Variants in CCSER1 observed in about 807,000 individuals in gnomAD.
The protein encoded by CCSER1 is coiled-coil serine rich protein 1, also known as serine-rich coiled-coil domain-containing protein 1.
In CCSER1, 41 loss-of-function variants were observed where a neutral mutation model predicts 82.0. The observed-to-expected ratio is 0.50, with a 90% CI of 0.39 to 0.65. The LOEUF is 0.65. CCSER1 is among the 30% of genes least tolerant of loss of function. CCSER1 has a pLI of 0.00. For synonymous variants in CCSER1, 414 were observed against 383.9 expected (o/e 1.08, Z -0.92); for missense variants, 1,119 against 1,064.2 (o/e 1.05, Z -0.72).
At chr4:90,837,920 C>T (rs1398390140) in intron 8 of CCSER1, among the ~76,000 whole-genome samples, 5 of 151,818 alleles carry the variant, frequency 3.3e-5, no homozygotes, top group African/African-American at 1.2e-4. Context: ...AGGATAAATC[C>T]CAGTAATGAT....
chr4:91,207,625 T>A (rs1317147065), intron 10 of CCSER1, among the ~76,000 whole-genome samples: 1 of 151,944 alleles, frequency 6.6e-6, no homozygotes, highest in Non-Finnish European at 1.5e-5. Flanking sequence ...TTATCCAGTC[T>A]ACTAATGATG....
intron 6 of CCSER1, among the ~76,000 whole-genome samples, chr4:90,701,118 T>C (rs895512790): frequency 1.3e-5 from 2 of 152,212 alleles, no homozygotes; most frequent in South Asian, 2.1e-4. Context: ...TGGTTTTAGG[T>C]TTAACATTGA....
chr4:91,283,670 C>A lies in CCSER1; in HGVS notation c.2217+197676C>A, dbSNP rs556369034. 2.0e-5 allele frequency among the ~76,000 whole-genome samples: 3 copies of A among 152,104 alleles called. No homozygotes were observed. In the South Asian group the frequency reaches 6.2e-4, roughly 31 times the overall value. ...TATATTTGTCTGCCAAAAATAGGAACTCATAGGACTTATTTGATAAAAGCA... is the reference window on the plus strand; with the variant it reads ...TATATTTGTCTGCCAAAAATAGGAAATCATAGGACTTATTTGATAAAAGCA... On this transcript the variant is annotated intron_variant, in intron 10 of 10. Coordinates refer to ENST00000509176, the MANE Select transcript of CCSER1 (RefSeq NM_001145065.2).
At chr4:91,185,157 T>G (rs1001748699) in intron 10 of CCSER1, among the ~76,000 whole-genome samples, 3 of 152,200 alleles carry the variant, frequency 2.0e-5, no homozygotes, top group Non-Finnish European at 4.4e-5. Flanking sequence ...AGGGTGTTTA[T>G]CAGTAATTTG....
chr4:90,855,392 C>A (rs1434196123), intron 8 of CCSER1, among the ~76,000 whole-genome samples: 1 of 152,002 alleles, frequency 6.6e-6, no homozygotes, highest in South Asian at 2.1e-4. Flanking sequence ...ATAAGTCTAG[C>A]TTTGGAAACT....
chr4:91,120,490 G>C (rs540889271), intron 10 of CCSER1, among the ~76,000 whole-genome samples: 1 of 152,124 alleles, frequency 6.6e-6, no homozygotes, highest in East Asian at 1.9e-4. Flanking sequence ...TTTTAAGTCT[G>C]AGTGGAAGGG....
chr4:90,331,847 T>C (rs1486419661), intron 3 of CCSER1, among the ~76,000 whole-genome samples: 1 of 151,888 alleles, frequency 6.6e-6, no homozygotes, highest in East Asian at 1.9e-4. Context: ...CTTTGAAAGG[T>C]TGTATTATAC....
At chr4:91,433,822 C>T (rs1237553872) in intron 10 of CCSER1, among the ~76,000 whole-genome samples, 1 of 152,168 alleles carries the variant, frequency 6.6e-6, no homozygotes, top group Non-Finnish European at 1.5e-5. Context: ...ATCAAAGTGT[C>T]CCAAGAGTCT....
intron 3 of CCSER1, among the ~76,000 whole-genome samples, chr4:90,387,186 T>A (rs1489544496): frequency 6.6e-6 from 1 of 152,184 alleles, no homozygotes; most frequent in African/African-American, 2.4e-5. Context: ...AACATTATGT[T>A]ACTTTAGTAA....
intron 3 of CCSER1, among the ~76,000 whole-genome samples, chr4:90,373,307 A>G (rs1747765993): frequency 6.6e-6 from 1 of 152,174 alleles, no homozygotes. Flanking sequence ...ATGATGAGGA[A>G]GATTTTCTAG....
intron 8 of CCSER1, among the ~76,000 whole-genome samples, chr4:90,820,521 T>C (rs762555705): frequency 1.3e-5 from 2 of 152,104 alleles, no homozygotes; most frequent in Non-Finnish European, 2.9e-5. Flanking sequence ...GCCCGTTTTA[T>C]AGCAGCTTTA....
At chr4:90,915,090 G>A (rs1021709700) in intron 8 of CCSER1, among the ~76,000 whole-genome samples, 7 of 152,010 alleles carry the variant, frequency 4.6e-5, no homozygotes, top group Non-Finnish European at 1.0e-4. Flanking sequence ...AGAGGTACAA[G>A]GAGGAGCTGG....
chr4:90,817,870 A>G (rs1381894088), intron 8 of CCSER1, among the ~76,000 whole-genome samples: 2 of 152,186 alleles, frequency 1.3e-5, no homozygotes, highest in Admixed American at 6.5e-5. Flanking sequence ...GTAATAAATA[A>G]CTTGTGACAT....
chr4:90,468,400 A>G lies in CCSER1; in HGVS notation c.1724+46A>G, dbSNP rs202061811. On this transcript the variant is annotated intron_variant, in intron 5 of 10. Transcript: ENST00000509176. ...TTCAAGGCCTTGTAAAATCAATTAG[A>G]TAACTGATAAGAAAATGTGATTTAT... The G allele has an allele frequency of 2.9e-5, 44 of 1,526,268 alleles. No homozygotes were observed. The African/African-American group carries it at 5.0e-4, about 17-fold the overall frequency. 94.5% of individuals were successfully genotyped at this position (1,526,268 alleles called of 1,614,324 possible).
intron 10 of CCSER1, among the ~76,000 whole-genome samples, chr4:91,572,068 C>T (rs1446789326): frequency 6.6e-6 from 1 of 152,072 alleles, no homozygotes; most frequent in Non-Finnish European, 1.5e-5. Context: ...CAAGTTGCTA[C>T]TGGCTCGATA....
At chr4:91,198,758 TAAAATGAGATG>T (rs1409069719) in intron 10 of CCSER1, among the ~76,000 whole-genome samples, 2 of 152,114 alleles carry the variant, frequency 1.3e-5, no homozygotes, top group African/African-American at 4.8e-5. Context: ...TAAATCCACT[TAAAATGAGATG>T]CCAATTAAGA....
At chr4:91,348,058 T>C (rs1748188324) in intron 10 of CCSER1, among the ~76,000 whole-genome samples, 4 of 152,262 alleles carry the variant, frequency 2.6e-5, no homozygotes, top group East Asian at 1.9e-4. Flanking sequence ...GTTCCTGATA[T>C]TAGCAGGAAA....
At chr4:90,395,231 T>C (rs923933307) in intron 3 of CCSER1, among the ~76,000 whole-genome samples, 2 of 152,112 alleles carry the variant, frequency 1.3e-5, no homozygotes, top group Non-Finnish European at 2.9e-5. Context: ...TGTTCATCCA[T>C]GTTGTTGTAA....
intron 10 of CCSER1, among the ~76,000 whole-genome samples, chr4:91,104,261 A>G (rs1725375256): frequency 6.6e-6 from 1 of 152,082 alleles, no homozygotes; most frequent in African/African-American, 2.4e-5. Context: ...TTGGACCCTT[A>G]TCGGTAGTTC....
Sources: gnomAD v4.1 joint callset for allele counts (sites outside exome capture counted in the v4.1 genomes callset) on GRCh38, gnomAD v4.1.1 for gene constraint, MANE v1.5 for transcripts, NCBI Gene and HGNC (gene_info 2026-07-23, HGNC 2026-07-21) for gene names.